MYH4: variants seen among roughly 807,000 people sequenced by gnomAD.
MYH4 encodes the protein myosin-4.
Under a neutral mutation model 229.9 loss-of-function variants are expected in MYH4, and 200 were observed. The observed-to-expected ratio is 0.87, with a 90% CI of 0.78 to 0.98. The LOEUF (loss-of-function observed/expected upper bound fraction) is 0.98, where lower values mean the gene tolerates loss of function less well. Among genes scored for constraint, MYH4 ranks in the 50% least tolerant of loss-of-function variants. The probability of loss-of-function intolerance (pLI) is 0.00; values close to 1 mark genes in which losing one functional copy is unlikely to be tolerated. For missense variants in MYH4, 2,148 were observed against 2,332.6 expected, an observed-to-expected ratio of 0.92 and a Z score of 1.63; for synonymous variants, 761 against 834.6, an observed-to-expected ratio of 0.91 and a Z score of 1.52.
intron 3 of MYH4, 26 bp from the exon 4 acceptor site, chr17:10,466,442 C>T (rs1263080741): frequency 6.2e-7 from 1 of 1,612,838 alleles, no homozygotes. Context: ...AAAACAAGTG[C>T]ATATCAAATA....
Position 10,452,509 on chromosome 17 carries a change from A to G in MYH4, c.3258-3T>C, listed in dbSNP as rs1214194332. On this transcript the variant is annotated splice_region_variant and splice_polypyrimidine_tract_variant and intron_variant, in intron 25 of 39. Transcript: ENST00000255381. ...GATTGCTCATTTCAAACTCTTTCCT[A>G]TTAGAAGAGCAACACATTAGCTTAT... 4 of 1,612,832 alleles carry G rather than the reference A, an allele frequency of 2.5e-6. No homozygotes were observed. The highest frequency in any genetic ancestry group is 1.3e-5 in the African/African-American group (1 of 74,890).
rs774256554 is a variant in MYH4 at position 10,447,210 on chromosome 17, G to A, written c.4972C>T (p.Gln1658Ter). 2 of 1,613,876 alleles carry A rather than the reference G, an allele frequency of 1.2e-6. No homozygotes were observed. The highest frequency in any genetic ancestry group is 2.2e-5 in the South Asian group (2 of 91,074). ...RNTQGILKDT[Q>*]LHLDDAIRGQ... is the part of the protein sequence containing the mutation. ...CTGATGGCATCATCCAAATGTAGCT[G>A]AGTGTCCTACACAGAAAGAGAAAAA... is the stretch of plus-strand genomic sequence containing the variant. The change falls in exon 35 of 40, where the codon CAG becomes TAG. Residue 1658 changes from glutamine (Q) to a stop codon, truncating the protein, a stop_gained. Transcript: ENST00000255381. LOFTEE classifies it high-confidence loss of function.
At position 10,453,641 on chromosome 17, in the gene MYH4, A is replaced by T; in HGVS notation, c.2934+2T>A. ...TATTCTAAAATGGATCATGATTTGTACCTTGTTCTCTGTGGCATGTTTCTC... is the reference window on the plus strand; with the variant it reads ...TATTCTAAAATGGATCATGATTTGTTCCTTGTTCTCTGTGGCATGTTTCTC... On this transcript the variant is annotated splice_donor_variant, in intron 23 of 39. Transcript: ENST00000255381. LOFTEE classifies it high-confidence loss of function. 1 of 1,613,808 alleles carries T rather than the reference A, an allele frequency of 6.2e-7. No homozygotes were observed. The highest frequency in any genetic ancestry group is 8.5e-7 in the Non-Finnish European group (1 of 1,179,900).
At chr17:10,447,510 A>G (rs1230199405) in intron 34 of MYH4, among the ~76,000 whole-genome samples, 1 of 152,218 alleles carries the variant, frequency 6.6e-6, no homozygotes, top group Non-Finnish European at 1.5e-5. Flanking sequence ...GCTATTTTAC[A>G]TATTAAGCAA....
intron 19 of MYH4, 128 bp downstream of exon 19, chr17:10,455,486 C>A: frequency 7.2e-7 from 1 of 1,387,558 alleles, no homozygotes; most frequent in Non-Finnish European, 9.9e-7. Context: ...ACCTAAGCTT[C>A]TTTCTTTTAT....
At position 10,466,797 on chromosome 17, in the gene MYH4, A is replaced by G. The variant is rs534726253; in HGVS notation, c.-39-13T>C. ...GGACTAGGTATACCTAGAGGAAGAAACAGAGCCAAATGATGATTCAGGGTT... is the reference window on the plus strand; with the variant it reads ...GGACTAGGTATACCTAGAGGAAGAAGCAGAGCCAAATGATGATTCAGGGTT... On this transcript the variant is annotated splice_polypyrimidine_tract_variant and intron_variant, in intron 2 of 39. Coordinates refer to ENST00000255381, the MANE Select transcript of MYH4 (RefSeq NM_017533.2). 2 of 1,597,982 alleles carry G rather than the reference A, an allele frequency of 1.3e-6. No homozygotes were observed. The highest frequency in any genetic ancestry group is 2.2e-5 in the East Asian group (1 of 44,712).
intron 33 of MYH4, 34 bp downstream of exon 33, chr17:10,448,362 T>G: frequency 6.3e-7 from 1 of 1,585,330 alleles, no homozygotes; most frequent in East Asian, 2.2e-5. Context: ...TTCAATTTAT[T>G]TATAATGCAG....
chr17:10,460,740 A>G (rs1441484094), intron 12 of MYH4, among the ~76,000 whole-genome samples, 176 bp downstream of exon 12: 2 of 152,258 alleles, frequency 1.3e-5, no homozygotes, highest in Non-Finnish European at 2.9e-5. Flanking sequence ...TAATGGAATG[A>G]GCAGAAATCA....
At position 10,466,693 on chromosome 17, in the gene MYH4, C is replaced by G; in HGVS notation, c.53G>C (p.Arg18Pro). The G allele has an allele frequency of 6.2e-7, 1 of 1,614,142 alleles. No homozygotes were observed. The highest frequency in any genetic ancestry group is 8.5e-7 in the Non-Finnish European group (1 of 1,180,048). Residue 18 changes from arginine (R) to proline (P), a missense_variant, in exon 3 of 40, where the codon CGA becomes CCA. Transcript: ENST00000255381. Reference sequence around the variant, plus strand: ...TTCAATTCGCTCCTTTTCAGACTTTCGGAGGAAAGGAGCAGCCTCCCCAAA... The same window carrying G: ...TTCAATTCGCTCCTTTTCAGACTTTGGGAGGAAAGGAGCAGCCTCCCCAAA... ...AIFGEAAPFL[R>P]KSEKERIEAQ...
In MYH4 at chr17:10,450,600, T is replaced by C; in HGVS notation, c.4034A>G (p.Asp1345Gly). ...CTCCTCATACTGTTCCCGCAGCAGG[T>C]CACAGTCATGGCGGGCTGACTGCAG... ...HALQSARHDCDLLREQYEEEQ... is the reference protein window; with the variant it reads ...HALQSARHDCGLLREQYEEEQ... The change falls in exon 30 of 40, where the codon GAC (aspartate) becomes GGC (glycine). Residue 1345 changes from aspartate (D) to glycine (G), a missense_variant. Transcript: ENST00000255381. The C allele has an allele frequency of 6.2e-7, 1 of 1,614,206 alleles. No individual in the cohort carries two copies. The highest frequency in any genetic ancestry group is 8.5e-7 in the Non-Finnish European group (1 of 1,180,022).
In MYH4 at chr17:10,450,608, A is replaced by C. The variant is rs754303548; in HGVS notation, c.4026T>G (p.His1342Gln). 2 of 1,614,204 alleles carry C rather than the reference A, an allele frequency of 1.2e-6. No homozygotes were observed. Among genetic ancestry groups the C allele is most frequent in the East Asian group, 4.5e-5 (2 of 44,896 alleles). Reference sequence around the variant, plus strand: ...ACTGTTCCCGCAGCAGGTCACAGTCATGGCGGGCTGACTGCAGGGCATGGG... The same window carrying C: ...ACTGTTCCCGCAGCAGGTCACAGTCCTGGCGGGCTGACTGCAGGGCATGGG... ...TLAHALQSAR[H>Q]DCDLLREQYE... The change falls in exon 30 of 40, where the codon CAT becomes CAG. Residue 1342 changes from histidine (H) to glutamine (Q), a missense_variant. His to Gln is a conservative substitution (Grantham distance 24). Transcript: ENST00000255381.
rs763148844 is a variant in MYH4, at chr17:10,454,779, G to A, written c.2467C>T (p.Arg823Cys). ...ESIFCIQYNI[R>C]AFMNVKHWPW... ...CAGTGCTTCACATTCATGAAAGCAC[G>A]GATGTTGTACTGAATGCAGAAGATG... Residue 823 changes from arginine to cysteine, a missense_variant, in exon 22 of 40, where the codon CGT becomes TGT. Physicochemically the swap from Arg to Cys is radical, Grantham distance 180. Coordinates refer to ENST00000255381, the MANE Select transcript of MYH4 (RefSeq NM_017533.2). 1.3e-5 allele frequency: 21 copies of A among 1,614,000 alleles called. No individual in the cohort carries two copies. The highest frequency in any genetic ancestry group is 5.0e-5 in the Admixed American group (3 of 60,002).
In MYH4 at chr17:10,463,335, T is replaced by C; in HGVS notation, c.805+3A>G. 6.2e-7 allele frequency: 1 copy of C among 1,605,926 alleles called. No individual in the cohort carries two copies. The highest frequency in any genetic ancestry group is 8.5e-7 in the Non-Finnish European group (1 of 1,175,008). On this transcript the variant is annotated splice_donor_region_variant and intron_variant, in intron 9 of 39. Transcript: ENST00000255381. ...TCTCAATCACTAATATTTATTAACT[T>C]ACATGTTTCAATATCTGCAGAAGCC...
intron 15 of MYH4, among the ~76,000 whole-genome samples, chr17:10,458,799 A>C (rs1392799437): frequency 6.6e-6 from 1 of 152,122 alleles, no homozygotes; most frequent in Non-Finnish European, 1.5e-5. Context: ...ATGAACGGGG[A>C]AAGACTTAAT....
intron 5 of MYH4, among the ~76,000 whole-genome samples, chr17:10,464,988 G>A (rs2072746638): frequency 6.6e-6 from 1 of 152,094 alleles, no homozygotes; most frequent in South Asian, 2.1e-4. Context: ...TAACAATTTT[G>A]TGTCCCATCC....
At chr17:10,458,274 A>T (rs1395541834) in intron 15 of MYH4, among the ~76,000 whole-genome samples, 1 of 152,180 alleles carries the variant, frequency 6.6e-6, no homozygotes, top group East Asian at 1.9e-4. Flanking sequence ...AATGTATTTG[A>T]TAGGAAAGAC....
intron 11 of MYH4, among the ~76,000 whole-genome samples, chr17:10,461,743 T>G (rs1381078460): frequency 6.6e-6 from 1 of 152,244 alleles, no homozygotes. Flanking sequence ...CTTTTTTCTC[T>G]ATCGAATTTT....
chr17:10,463,371 T>G lies in MYH4; in HGVS notation c.772A>C (p.Thr258Pro). The change falls in exon 9 of 40, where the codon ACA becomes CCA. Residue 258 changes from threonine (T) to proline (P), a missense_variant. Physicochemically the swap from Thr to Pro is conservative, Grantham distance 38 (BLOSUM62 -1). Transcript: ENST00000255381. ...ATATCTGCAGAAGCCAGTTTGCCTG[T>G]GGCACCAAAATGGATCCTGATGAAT... ...GKFIRIHFGA[T>P]GKLASADIET... 1 of 1,613,138 alleles carries G rather than the reference T, an allele frequency of 6.2e-7. No homozygotes were observed. The highest frequency in any genetic ancestry group is 1.1e-5 in the South Asian group (1 of 90,684).
Position 10,466,580 on chromosome 17 carries a change from C to T in MYH4, c.166G>A (p.Glu56Lys), listed in dbSNP as rs952118058. 3 of 1,613,830 alleles carry T rather than the reference C, an allele frequency of 1.9e-6. No homozygotes were observed. Among genetic ancestry groups the T allele is most frequent in the Non-Finnish European group, 2.5e-6 (3 of 1,180,052 alleles). ...GTCTTGGCTGTCACCTTCCCCCCTTCCCTGCTCTGCACTATTGCTTTCACG... is the reference window on the plus strand; with the variant it reads ...GTCTTGGCTGTCACCTTCCCCCCTTTCCTGCTCTGCACTATTGCTTTCACG... Reference protein sequence around the residue: ...SYVKAIVQSREGGKVTAKTEA... With the variant: ...SYVKAIVQSRKGGKVTAKTEA... Residue 56 changes from glutamate to lysine, a missense_variant, in exon 3 of 40, where the codon GAA (glutamate) becomes AAA (lysine). Glu to Lys is a moderately conservative substitution (Grantham distance 56). Coordinates refer to ENST00000255381, the MANE Select transcript of MYH4 (RefSeq NM_017533.2).
Sources: allele counts gnomAD v4.1 joint callset (sites outside exome capture counted in the v4.1 genomes callset), GRCh38; gene constraint gnomAD v4.1.1; transcripts MANE v1.5; gene names NCBI Gene and HGNC (gene_info 2026-07-23, HGNC 2026-07-21).